The following FBN1 variants were observed in gnomAD, a reference collection of about 807,000 sequenced individuals.
FBN1 encodes fibrillin-1.
FBN1 carries 29 observed loss-of-function variants against 365.1 expected under a neutral mutation model. The ratio of observed to expected loss-of-function variants is 0.08; its 90% CI spans 0.06 to 0.11. The LOEUF is 0.11. Ranked by LOEUF, FBN1 falls within the 10% of genes least tolerant of loss-of-function variation. FBN1 has a pLI of 1.00. For missense variants in FBN1, 2,476 were observed against 3,703.2 expected (o/e 0.67, Z 8.60); for synonymous variants, 1,210 against 1,270.5 (o/e 0.95, Z 1.01).
chr15:48,599,974 T>G (rs1428413364), intron 5 of FBN1, among the ~76,000 whole-genome samples, 165 bp downstream of exon 5: 1 of 152,240 alleles, frequency 6.6e-6, no homozygotes, highest in East Asian at 1.9e-4. Context: ...AATTTGGTGT[T>G]AAGTTTTTTG....
intron 36 of FBN1, among the ~76,000 whole-genome samples, chr15:48,468,819 A>C (rs1418705653): frequency 6.7e-6 from 1 of 149,966 alleles, no homozygotes; most frequent in Non-Finnish European, 1.5e-5. Context: ...CTGTAATCCC[A>C]GCACTTTGGG....
intron 10 of FBN1, among the ~76,000 whole-genome samples, chr15:48,517,200 G>T (rs972660105): frequency 1.3e-5 from 2 of 152,130 alleles, no homozygotes; most frequent in East Asian, 3.9e-4. Context: ...CTATCACTTC[G>T]CAGTTGTAAA....
In FBN1 at chr15:48,444,523, A is replaced by C. The variant is rs2043139044; in HGVS notation, c.6037+18T>G. 1 of 1,612,946 alleles carries C rather than the reference A, an allele frequency of 6.2e-7. No homozygotes were observed. The highest frequency in any genetic ancestry group is 8.5e-7 in the Non-Finnish European group (1 of 1,179,312). ...ACACCCGACACTCCTCATTTGCTAC[A>C]ACTGATAGCTTTCCTACCTTCACAC... On this transcript the variant is annotated intron_variant, in intron 49 of 65. Transcript: ENST00000316623.
At chr15:48,415,163 C>CT (rs897618420) in intron 64 of FBN1, among the ~76,000 whole-genome samples, 1 of 152,170 alleles carries the variant, frequency 6.6e-6, no homozygotes, top group African/African-American at 2.4e-5. Context: ...AGAATCCTCC[C>CT]TGCCCCAGGA....
rs545057031 is a variant in FBN1 at position 48,569,878 on chromosome 15, T to A, written c.538+26405A>T. ...TCTGAAACTAGATTGTGGTAATGGT[T>A]GCATAACTCTAAATTTACTAAAATT... On this transcript the variant is annotated intron_variant, in intron 6 of 65. Coordinates refer to ENST00000316623, the MANE Select transcript of FBN1 (RefSeq NM_000138.5). Among the ~76,000 whole-genome samples the A allele has an allele frequency of 1.3e-4, 20 of 152,234 alleles. No individual in the cohort carries two copies. In the East Asian group the frequency reaches 2.9e-3, roughly 22 times the overall value.
intron 6 of FBN1, among the ~76,000 whole-genome samples, chr15:48,568,049 G>GAAAGAAAGAAGA (rs369157930): frequency 0.016 from 621 of 39,994 alleles, 4 homozygotes; most frequent in Middle Eastern, 0.031. Context: ...AAGAAAGAAA[G>GAAAGAAAGAAGA]AAGAAAGAAA....
intron 6 of FBN1, among the ~76,000 whole-genome samples, chr15:48,571,077 G>GT (rs1480051594): frequency 6.6e-5 from 10 of 152,274 alleles, no homozygotes; most frequent in Admixed American, 3.3e-4. Flanking sequence ...GGCAATGCAC[G>GT]TTCAGGGACA....
At chr15:48,524,456 A>G (rs1050417768) in intron 9 of FBN1, among the ~76,000 whole-genome samples, 2 of 152,140 alleles carry the variant, frequency 1.3e-5, no homozygotes, top group Non-Finnish European at 2.9e-5. Flanking sequence ...TCTCATCACT[A>G]CGGATAATTT....
At chr15:48,572,924 C>T (rs1032533461) in intron 6 of FBN1, among the ~76,000 whole-genome samples, 2 of 151,962 alleles carry the variant, frequency 1.3e-5, no homozygotes, top group African/African-American at 2.4e-5. Flanking sequence ...AAACAAGAGG[C>T]GAAGGGCTCC....
At chr15:48,640,668 CAA>C (rs1890182135) in intron 2 of FBN1, among the ~76,000 whole-genome samples, 1 of 152,178 alleles carries the variant, frequency 6.6e-6, no homozygotes, top group African/African-American at 2.4e-5. Flanking sequence ...GAATCACACA[CAA>C]GGGGACAAAT....
chr15:48,609,088 G>A (rs374411333), intron 4 of FBN1, among the ~76,000 whole-genome samples: 5 of 152,286 alleles, frequency 3.3e-5, no homozygotes, highest in South Asian at 4.1e-4. Flanking sequence ...ATGCTTCAGC[G>A]GCAGCCTGGA....
intron 36 of FBN1, among the ~76,000 whole-genome samples, chr15:48,469,980 C>T (rs1211081337): frequency 6.6e-6 from 1 of 152,030 alleles, no homozygotes; most frequent in Non-Finnish European, 1.5e-5. Context: ...AATTTGAACT[C>T]ATACAGAACA....
chr15:48,470,627 G>A lies in FBN1; in HGVS notation c.4459+7C>T, dbSNP rs1366180759. 1 of 1,613,830 alleles carries A rather than the reference G, an allele frequency of 6.2e-7. No individual in the cohort carries two copies. The highest frequency in any genetic ancestry group is 1.7e-5 in the Admixed American group (1 of 60,020). ...GGAGCTGATTTTGATGCCAGTGGAG[G>A]TCTTACCTGTGCAGTTCCCGCCGCT... On this transcript the variant is annotated splice_region_variant and intron_variant, in intron 36 of 65. Transcript: ENST00000316623.
intron 62 of FBN1, 111 bp downstream of exon 62, chr15:48,421,447 C>G (rs895662668): frequency 7.3e-7 from 1 of 1,362,326 alleles, no homozygotes; most frequent in African/African-American, 1.4e-5. Flanking sequence ...GAGTGCCCCC[C>G]TGGGCTCAGA....
rs567001419 is a variant in FBN1 at position 48,408,799 on chromosome 15, CAA to C, written c.*2189_*2190del. ...TCCAGACTTGGACTATTAAAAATAT[CAA>C]AGTGATCCACTGTGTGCCAACTCCA... On this transcript the variant is annotated 3_prime_UTR_variant, in exon 66 of 66. Transcript: ENST00000316623. The C allele has an allele frequency of 1.2e-3, 188 of 152,754 alleles. No homozygotes were observed. The highest frequency in any genetic ancestry group is 4.3e-3 in the African/African-American group (178 of 41,578). The allele number at this position is 152,754 out of a possible 1,614,324, so 9.5% of individuals were successfully genotyped here. A position where few individuals can be genotyped will look rare whatever the true frequency, so the allele number is the denominator to read the frequency against.
rs35611018 is a variant in FBN1, at chr15:48,570,470, G to GAA, written c.538+25811_538+25812dup. Among the ~76,000 whole-genome samples, 2,388 of 137,962 alleles carry GAA rather than the reference G, an allele frequency of 0.017. 188 individuals are homozygous for GAA. In the East Asian group the frequency reaches 0.24, roughly 14 times the overall value. The allele number at this position is 137,962 out of a possible 152,430, so 90.5% of individuals were successfully genotyped here. ...CTACTGTAAATGTTGGGAAAACTTT[G>GAA]AAAAAAAAAAAAGGGAGGTGTGAAA... is the stretch of plus-strand genomic sequence containing the variant. On this transcript the variant is annotated intron_variant, in intron 6 of 65. Coordinates refer to ENST00000316623, the MANE Select transcript of FBN1 (RefSeq NM_000138.5).
At chr15:48,486,663 T>G (rs2043509701) in intron 29 of FBN1, among the ~76,000 whole-genome samples, 1 of 152,244 alleles carries the variant, frequency 6.6e-6, no homozygotes, top group African/African-American at 2.4e-5. Context: ...CAACTCAGCT[T>G]TCTGCTCTTT....
At chr15:48,613,599 T>C (rs932151696) in intron 2 of FBN1, among the ~76,000 whole-genome samples, 9 of 151,596 alleles carry the variant, frequency 5.9e-5, no homozygotes, top group Non-Finnish European at 2.9e-5. Context: ...CAGAAAAAAA[T>C]AAAGGCCAAA....
intron 13 of FBN1, 45 bp from the exon 14 acceptor site, chr15:48,510,214 G>T: frequency 6.3e-7 from 1 of 1,596,580 alleles, no homozygotes; most frequent in Non-Finnish European, 8.6e-7. Flanking sequence ...ATTTAGGGGA[G>T]TTAAAATTAT....
Sources: gnomAD v4.1 joint callset for allele counts (sites outside exome capture counted in the v4.1 genomes callset) on GRCh38, gnomAD v4.1.1 for gene constraint, MANE v1.5 for transcripts, NCBI Gene and HGNC (gene_info 2026-07-23, HGNC 2026-07-21) for gene names.